The following SUCLG2 variants were observed in gnomAD, a reference collection of about 807,000 sequenced individuals.
The protein encoded by SUCLG2 is succinate-CoA ligase GDP-forming subunit beta.
Under a neutral mutation model 47.9 loss-of-function variants are expected in SUCLG2, and 42 were observed. The ratio of observed to expected loss-of-function variants is 0.88; its 90% CI spans 0.69 to 1.14. The LOEUF (loss-of-function observed/expected upper bound fraction) is 1.14, where lower values mean the gene tolerates loss of function less well. Among genes scored for constraint, SUCLG2 ranks in the 50% most tolerant of loss-of-function variants. The probability of loss-of-function intolerance (pLI) is 0.00; values close to 1 mark genes in which losing one functional copy is unlikely to be tolerated. For missense variants in SUCLG2, 571 were observed against 525.9 expected (o/e 1.09, Z -0.84); for synonymous variants, 195 against 197.3 (o/e 0.99, Z 0.10).
At chr3:67,429,845 G>A (rs1168843714) in intron 9 of SUCLG2, among the ~76,000 whole-genome samples, 4 of 152,100 alleles carry the variant, frequency 2.6e-5, no homozygotes, top group South Asian at 2.1e-4. Context: ...GATCAAAAGA[G>A]ACAAAGAAGG....
intron 9 of SUCLG2, among the ~76,000 whole-genome samples, chr3:67,441,612 G>C (rs1018329014): frequency 6.6e-6 from 1 of 152,114 alleles, no homozygotes; most frequent in Non-Finnish European, 1.5e-5. Context: ...CAAAAACTGG[G>C]AGTGATAATA....
At chr3:67,532,806 T>A (rs927709472) in intron 2 of SUCLG2, among the ~76,000 whole-genome samples, 2 of 152,178 alleles carry the variant, frequency 1.3e-5, no homozygotes, top group Non-Finnish European at 2.9e-5. Context: ...CTCTGTGGTC[T>A]TTTTTTAGTC....
In SUCLG2 at chr3:67,375,792, G is replaced by C. The variant is rs1702023807; in HGVS notation, c.1251C>G (p.Asp417Glu). The C allele has an allele frequency of 6.2e-7, 1 of 1,613,914 alleles. No homozygotes were observed. The highest frequency in any genetic ancestry group is 1.3e-5 in the African/African-American group (1 of 75,018). Residue 417 changes from aspartate (D) to glutamate (E), a missense_variant, in exon 11 of 11, where the codon GAC (aspartate) becomes GAG (glutamate). By Grantham distance (45) the Asp-to-Glu change is conservative. Transcript: ENST00000307227. ...NSGLPITSAI[D>E]LEDAAKKAVA... Reference sequence around the variant, plus strand: ...CAGCCTTCTTGGCTGCATCCTCCAGGTCAATGGCTGAAGTAATGGGGAGTC... The same window carrying C: ...CAGCCTTCTTGGCTGCATCCTCCAGCTCAATGGCTGAAGTAATGGGGAGTC...
intron 9 of SUCLG2, among the ~76,000 whole-genome samples, chr3:67,455,094 G>T (rs951397392): frequency 4.6e-5 from 7 of 151,966 alleles, no homozygotes; most frequent in Non-Finnish European, 1.0e-4. Flanking sequence ...TCCATTCAAA[G>T]TTCACACATT....
chr3:67,394,340 G>A (rs1361197866), intron 10 of SUCLG2, among the ~76,000 whole-genome samples: 3 of 151,440 alleles, frequency 2.0e-5, no homozygotes, highest in Non-Finnish European at 2.9e-5. Context: ...AGCTGATGGA[G>A]CTGAAAGCCA....
chr3:67,603,304 T>C (rs887923992), intron 2 of SUCLG2, among the ~76,000 whole-genome samples: 4 of 152,228 alleles, frequency 2.6e-5, no homozygotes, highest in African/African-American at 7.2e-5. Flanking sequence ...TCAAGGAGGC[T>C]TGCAATGTAT....
intron 1 of SUCLG2, among the ~76,000 whole-genome samples, chr3:67,637,388 C>G (rs945712009): frequency 6.6e-6 from 1 of 152,166 alleles, no homozygotes; most frequent in Non-Finnish European, 1.5e-5. Flanking sequence ...CTTGCTTCCA[C>G]TTTATCATGC....
chr3:67,512,541 A>G (rs902484749), intron 6 of SUCLG2, among the ~76,000 whole-genome samples: 21 of 150,748 alleles, frequency 1.4e-4, no homozygotes, highest in South Asian at 2.1e-4. Context: ...TGGGGACTAC[A>G]TAATAGAAAT....
intron 9 of SUCLG2, among the ~76,000 whole-genome samples, chr3:67,402,589 T>C (rs531340154): frequency 1.3e-5 from 2 of 152,312 alleles, no homozygotes; most frequent in East Asian, 3.9e-4. Context: ...TCCAAATAAC[T>C]GTAGGATGGA....
At chr3:67,476,080 A>G (rs59173782) in intron 9 of SUCLG2, among the ~76,000 whole-genome samples, 1 of 152,056 alleles carries the variant, frequency 6.6e-6, no homozygotes, top group African/African-American at 2.4e-5. Context: ...TAACTAATTT[A>G]TAAACACAAT....
chr3:67,389,008 G>C (rs1382367390), intron 10 of SUCLG2, among the ~76,000 whole-genome samples: 2 of 152,078 alleles, frequency 1.3e-5, no homozygotes, highest in Non-Finnish European at 2.9e-5. Flanking sequence ...CAGGACCTGG[G>C]TAGATCAGAA....
chr3:67,617,798 T>A lies in SUCLG2; in HGVS notation c.85-8202A>T, dbSNP rs530709896. 3.3e-5 allele frequency among the ~76,000 whole-genome samples: 5 copies of A among 152,276 alleles called. No homozygotes were observed. In the South Asian group the frequency reaches 8.3e-4, roughly 25 times the overall value. ...GTTGTAAAGATTAAATGAGTTAATATATGCAAATAAACTGGAACAGTGCCC... is the reference window on the plus strand; with the variant it reads ...GTTGTAAAGATTAAATGAGTTAATAAATGCAAATAAACTGGAACAGTGCCC... On this transcript the variant is annotated intron_variant, in intron 1 of 10. Transcript: ENST00000307227.
In SUCLG2 at chr3:67,400,741, G is replaced by T; in HGVS notation, c.1173C>A (p.Val391=). ...RELELKVPLV[V]RLEGTNVQEA... is the part of the protein sequence containing the mutation. ...TCTACCATGACTCACCTTCAAGCCG[G>T]ACCACCAGGGGCACCTTGAGTTCTA... Residue 391 remains valine, a synonymous_variant, in exon 10 of 11, where the codon GTC becomes GTA. Coordinates refer to ENST00000307227, the MANE Select transcript of SUCLG2 (RefSeq NM_003848.4). The T allele has an allele frequency of 6.2e-7, 1 of 1,611,720 alleles. No individual in the cohort carries two copies. Among genetic ancestry groups the T allele is most frequent in the Non-Finnish European group, 8.5e-7 (1 of 1,179,916 alleles).
intron 7 of SUCLG2, among the ~76,000 whole-genome samples, chr3:67,499,717 T>C (rs1252428167): frequency 6.6e-6 from 1 of 151,978 alleles, no homozygotes; most frequent in Non-Finnish European, 1.5e-5. Context: ...TGTTTGTTTG[T>C]TTGTTTATTT....
intron 9 of SUCLG2, among the ~76,000 whole-genome samples, chr3:67,435,382 T>C (rs140827469): frequency 6.6e-6 from 1 of 152,340 alleles, no homozygotes; most frequent in African/African-American, 2.4e-5. Flanking sequence ...TTATTAACAC[T>C]AGCAGTTGTT....
At chr3:67,441,376 AAAAG>A (rs1161909103) in intron 9 of SUCLG2, among the ~76,000 whole-genome samples, 11 of 150,934 alleles carry the variant, frequency 7.3e-5, no homozygotes, top group Admixed American at 1.3e-4. Flanking sequence ...AAAAAAAAAA[AAAAG>A]ACTGTGGCTT....
intron 2 of SUCLG2, among the ~76,000 whole-genome samples, chr3:67,553,308 T>C (rs1272593817): frequency 1.3e-5 from 2 of 152,244 alleles, no homozygotes; most frequent in African/African-American, 4.8e-5. Flanking sequence ...CCTTTGTCCA[T>C]GGTGGCTTTG....
intron 2 of SUCLG2, among the ~76,000 whole-genome samples, chr3:67,533,718 C>T (rs1027005148): frequency 1.3e-5 from 2 of 151,962 alleles, no homozygotes; most frequent in Non-Finnish European, 2.9e-5. Context: ...ACTTCAGAAC[C>T]CAAACATAAA....
chr3:67,650,810 G>A (rs564071161), intron 1 of SUCLG2, among the ~76,000 whole-genome samples: 140 of 152,216 alleles, frequency 9.2e-4, no homozygotes, highest in African/African-American at 3.3e-3. Context: ...TCCTACAAGA[G>A]AGCTCCATGA....
Sources: allele counts gnomAD v4.1 joint callset (sites outside exome capture counted in the v4.1 genomes callset), GRCh38; gene constraint gnomAD v4.1.1; transcripts MANE v1.5; gene names NCBI Gene and HGNC (gene_info 2026-07-23, HGNC 2026-07-21).